The following PRPF40B variants were observed in gnomAD, a reference collection of about 807,000 sequenced individuals.
PRPF40B encodes pre-mRNA processing factor 40B, also known as pre-mRNA-processing factor 40 homolog B.
A neutral mutation model predicts 124.5 loss-of-function variants in PRPF40B; 56 were observed. The observed-to-expected ratio is 0.45, with a 90% CI of 0.36 to 0.56. The LOEUF is 0.56. PRPF40B is among the 20% of genes least tolerant of loss of function. PRPF40B has a pLI of 0.00. For synonymous variants in PRPF40B, 443 were observed against 426.4 expected, an observed-to-expected ratio of 1.04 and a Z score of -0.48; for missense variants, 1,053 against 1,169.5, an observed-to-expected ratio of 0.90 and a Z score of 1.45.
intron 15 of PRPF40B, 114 bp downstream of exon 15, chr12:49,636,107 G>A: frequency 7.5e-7 from 1 of 1,342,148 alleles, no homozygotes. Context: ...GGACACCCTA[G>A]GAGTACTCAA....
chr12:49,637,699 CG>C, intron 17 of PRPF40B, 33 bp from the exon 18 acceptor site: 1 of 1,506,422 alleles, frequency 6.6e-7, no homozygotes, highest in Non-Finnish European at 9.1e-7. Flanking sequence ...GGGAAGCTGC[CG>C]CCCGCCAGGC....
rs775448396 is a variant in PRPF40B at position 49,643,992 on chromosome 12, CAAG to C, written c.2578_2580del (p.Lys860del). On this transcript the variant is annotated inframe_deletion, in exon 25 of 26. Transcript: ENST00000548825. ...CTAACCGTTCCCCAGGCTTTGGAATCAAGAAGGAGAAGGTGAGGGGCAGGGGCC... is the reference window on the plus strand; with the variant it reads ...CTAACCGTTCCCCAGGCTTTGGAATCAAGGAGAAGGTGAGGGGCAGGGGCC... 33 of 1,614,052 alleles carry C rather than the reference CAAG, an allele frequency of 2.0e-5. No homozygotes were observed. Among genetic ancestry groups the C allele is most frequent in the African/African-American group, 2.7e-5 (2 of 74,926 alleles).
intron 18 of PRPF40B, chr12:49,638,755 G>C (rs768719055): frequency 6.6e-6 from 1 of 152,138 alleles, no homozygotes; most frequent in Non-Finnish European, 1.5e-5. Context: ...GTGTGACCTT[G>C]GATAGGTCAC....
Position 49,642,834 on chromosome 12 carries a change from C to A in PRPF40B, c.2119-96C>A. ...CCTGGGATAGGCAGAAGGCTCTAGT[C>A]TGAGAAAGGGAGGCAAAGCCAGATT... On this transcript the variant is annotated intron_variant, in intron 21 of 25. Transcript: ENST00000548825. This position sits in a 1 kb window ranked among gnomAD's most constrained non-coding sequence, Gnocchi z 5.8. 2 of 1,459,784 alleles carry A rather than the reference C, an allele frequency of 1.4e-6. No individual in the cohort carries two copies. The highest frequency in any genetic ancestry group is 1.2e-5 in the South Asian group (1 of 81,342). 90.4% of individuals were successfully genotyped at this position (1,459,784 alleles called of 1,614,324 possible). A position where few individuals can be genotyped will look rare whatever the true frequency, so the allele number is the denominator to read the frequency against.
Position 49,634,573 on chromosome 12 carries a change from G to A in PRPF40B, c.972G>A (p.Met324Ile), listed in dbSNP as rs1337372457. ...CCAATGCCTCATGGGAACAGGCCAT[G>A]AAGATGGTGGTCACCGACCCCCGTT... ...VPSNASWEQA[M>I]KMVVTDPRYS... The change falls in exon 12 of 26, where the codon ATG (methionine) becomes ATA (isoleucine). Residue 324 changes from methionine to isoleucine, a missense_variant. By Grantham distance (10) the Met-to-Ile change is conservative. Coordinates refer to ENST00000548825, the MANE Select transcript of PRPF40B (RefSeq NM_001031698.3). 6.2e-7 allele frequency: 1 copy of A among 1,614,076 alleles called. No homozygotes were observed. The highest frequency in any genetic ancestry group is 8.5e-7 in the Non-Finnish European group (1 of 1,180,036).
chr12:49,634,475 A>G lies in PRPF40B; in HGVS notation c.936+20A>G, dbSNP rs769575569. 6 of 1,614,026 alleles carry G rather than the reference A, an allele frequency of 3.7e-6. No homozygotes were observed. The highest frequency in any genetic ancestry group is 5.1e-6 in the Non-Finnish European group (6 of 1,179,970). ...GACAAGGTGCTGGAGTGGGGCTCCC[A>G]GGGAAGGTTTGGAGGGGGCTGGAGC... On this transcript the variant is annotated intron_variant, in intron 11 of 25. Transcript: ENST00000548825.
intron 1 of PRPF40B, among the ~76,000 whole-genome samples, chr12:49,629,865 G>T: frequency 6.6e-6 from 1 of 152,202 alleles, no homozygotes. Context: ...TACATCCACA[G>T]GGAGATAGTT....
At position 49,642,675 on chromosome 12, in the gene PRPF40B, G is replaced by A; in HGVS notation, c.2118G>A (p.Glu706=). ...RLFREFLQVL[E]TECQHLHTKG... is the part of the protein sequence containing the mutation. ...TCCGGGAGTTCCTACAGGTGCTGGAGGTGAGGCAGGCTTGTCCTCTGGATC... is the reference window on the plus strand; with the variant it reads ...TCCGGGAGTTCCTACAGGTGCTGGAAGTGAGGCAGGCTTGTCCTCTGGATC... Residue 706 remains glutamate (E), a splice_region_variant and synonymous_variant, in exon 21 of 26, where the codon GAG becomes GAA. Coordinates refer to ENST00000548825, the MANE Select transcript of PRPF40B (RefSeq NM_001031698.3). This position sits in a 1 kb window ranked among gnomAD's most constrained non-coding sequence, Gnocchi z 5.8. 1 of 1,613,734 alleles carries A rather than the reference G, an allele frequency of 6.2e-7. No individual in the cohort carries two copies. The highest frequency in any genetic ancestry group is 8.5e-7 in the Non-Finnish European group (1 of 1,179,862).
chr12:49,639,963 CCA>C (rs925462205), intron 18 of PRPF40B: 1 of 152,218 alleles, frequency 6.6e-6, no homozygotes, highest in African/African-American at 2.4e-5. Context: ...TAACTTTTAG[CCA>C]CAGAGTGGCT....
intron 16 of PRPF40B, 121 bp downstream of exon 16, chr12:49,636,970 G>A: frequency 7.0e-7 from 1 of 1,430,302 alleles, no homozygotes; most frequent in Non-Finnish European, 9.5e-7. Context: ...CCCTGTCCAA[G>A]CTCTATGAGA....
At chr12:49,623,123 C>T (rs1027060977), upstream of PRPF40B, among the ~76,000 whole-genome samples, 12 of 151,668 alleles carry the variant, frequency 7.9e-5, no homozygotes, top group African/African-American at 2.9e-4. Context: ...CTCACAGGTG[C>T]TCAACAAATA....
chr12:49,630,642 T>TC lies in PRPF40B; in HGVS notation c.84+20dup. ...CCACCCTTCGTAAGTTTTATGTCTT[T>TC]CCCTGGGCTTGGCTTTTCCAGCCTG... On this transcript the variant is annotated intron_variant, in intron 2 of 25. Transcript: ENST00000548825. 8.1e-7 allele frequency: 1 copy of TC among 1,230,310 alleles called. No individual in the cohort carries two copies. The highest frequency in any genetic ancestry group is 1.2e-6 in the Non-Finnish European group (1 of 832,938). 76.2% of individuals were successfully genotyped at this position (1,230,310 alleles called of 1,614,324 possible). A position where few individuals can be genotyped will look rare whatever the true frequency, so the allele number is the denominator to read the frequency against.
intron 15 of PRPF40B, 118 bp from the exon 16 acceptor site, chr12:49,636,598 C>A: frequency 2.8e-6 from 4 of 1,439,730 alleles, no homozygotes; most frequent in Non-Finnish European, 3.8e-6. Context: ...GCCCTTCCCC[C>A]ACCACCCTGG....
At chr12:49,636,622 C>A in intron 15 of PRPF40B, 94 bp from the exon 16 acceptor site, 1 of 1,565,608 alleles carries the variant, frequency 6.4e-7, no homozygotes, top group Non-Finnish European at 8.7e-7. Flanking sequence ...TCCCTAGCAC[C>A]TGTAGGACAG....
chr12:49,633,468 C>T lies in PRPF40B; in HGVS notation c.501C>T (p.Asp167=). The change falls in exon 8 of 26, where the codon GAC becomes GAT. Residue 167 remains aspartate, a synonymous_variant. Transcript: ENST00000548825. The part of the protein sequence containing the change: ...SQCPWKEYKS[D]TGKPYYYNNQ... ...GTCCCTGGAAAGAGTACAAGTCGGA[C>T]ACAGGCAAACCTTATTACTATAACA... 6.2e-7 allele frequency: 1 copy of T among 1,614,212 alleles called. No individual in the cohort carries two copies. Among genetic ancestry groups the T allele is most frequent in the Non-Finnish European group, 8.5e-7 (1 of 1,180,036 alleles).
chr12:49,641,140 T>G (rs183365573), intron 18 of PRPF40B: 1 of 152,364 alleles, frequency 6.6e-6, no homozygotes, highest in Admixed American at 6.5e-5. Flanking sequence ...CTGAGATCAC[T>G]TTTCTAAGCC....
At position 49,632,996 on chromosome 12, in the gene PRPF40B, G is replaced by GGGGGGGGGGCCCCCC; in HGVS notation, c.349-18_349-17insGGGGGGGGGCCCCCC. 1.7e-6 allele frequency: 2 copies of GGGGGGGGGGCCCCCC among 1,147,398 alleles called. No individual in the cohort carries two copies. The highest frequency in any genetic ancestry group is 2.4e-6 in the Non-Finnish European group (2 of 823,012). The allele number at this position is 1,147,398 out of a possible 1,614,324, so 71.1% of individuals were successfully genotyped here. ...AAAGGGGCCTTGACCACCATTCTGTGCCCCCCCCCCCACCCAGAGGGCCCT... is the reference window on the plus strand; with the variant it reads ...AAAGGGGCCTTGACCACCATTCTGTGGGGGGGGGGCCCCCCCCCCCCCCCCCACCCAGAGGGCCCT... On this transcript the variant is annotated splice_polypyrimidine_tract_variant and intron_variant, in intron 6 of 25. Transcript: ENST00000548825.
chr12:49,633,129 T>C lies in PRPF40B; in HGVS notation c.459+5T>C. 1 of 1,585,240 alleles carries C rather than the reference T, an allele frequency of 6.3e-7. No individual in the cohort carries two copies. Among genetic ancestry groups the C allele is most frequent in the Non-Finnish European group, 8.6e-7 (1 of 1,166,180 alleles). The stretch of plus-strand genomic sequence containing the variant: ...GTGCTCAAGTCCAAGGCAGAGGTCC[T>C]GAGCTGGGCTTTCTGGCCCTTCCTT... On this transcript the variant is annotated splice_donor_5th_base_variant and intron_variant, in intron 7 of 25. Coordinates refer to ENST00000548825, the MANE Select transcript of PRPF40B (RefSeq NM_001031698.3).
At position 49,632,995 on chromosome 12, in the gene PRPF40B, T is replaced by TGGGGGGGGGGGGGGGGGGGGGGG; in HGVS notation, c.349-18_349-17insGGGGGGGGGGGGGGGGGGGGGGG. The TGGGGGGGGGGGGGGGGGGGGGGG allele has an allele frequency of 2.9e-6, 4 of 1,365,400 alleles. No homozygotes were observed. Among genetic ancestry groups the TGGGGGGGGGGGGGGGGGGGGGGG allele is most frequent in the Non-Finnish European group, 4.1e-6 (4 of 979,238 alleles). 84.6% of individuals were successfully genotyped at this position (1,365,400 alleles called of 1,614,324 possible). Reference sequence around the variant, plus strand: ...AAAAGGGGCCTTGACCACCATTCTGTGCCCCCCCCCCCACCCAGAGGGCCC... The same window carrying TGGGGGGGGGGGGGGGGGGGGGGG: ...AAAAGGGGCCTTGACCACCATTCTGTGGGGGGGGGGGGGGGGGGGGGGGGCCCCCCCCCCCACCCAGAGGGCCC... On this transcript the variant is annotated intron_variant, in intron 6 of 25. Coordinates refer to ENST00000548825, the MANE Select transcript of PRPF40B (RefSeq NM_001031698.3).
Sources: gnomAD v4.1 joint callset for allele counts (sites outside exome capture counted in the v4.1 genomes callset) on GRCh38, gnomAD v4.1.1 for gene constraint, Gnocchi (gnomAD v3.1) non-coding constraint, MANE v1.5 for transcripts, NCBI Gene and HGNC (gene_info 2026-07-23, HGNC 2026-07-21) for gene names.